MAST4: variants seen among roughly 807,000 people sequenced by gnomAD.
MAST4 encodes microtubule-associated serine/threonine-protein kinase 4.
A neutral mutation model predicts 162.7 loss-of-function variants in MAST4; 89 were observed. The observed-to-expected ratio is 0.55, with a 90% CI of 0.46 to 0.65. The LOEUF (loss-of-function observed/expected upper bound fraction) is 0.65, where lower values mean the gene tolerates loss of function less well. MAST4 is among the 30% of genes least tolerant of loss of function. The probability of loss-of-function intolerance (pLI) is 0.00; values close to 1 mark genes in which losing one functional copy is unlikely to be tolerated. For synonymous variants in MAST4, 1,479 were observed against 1,361.1 expected, an observed-to-expected ratio of 1.09 and a Z score of -1.91; for missense variants, 3,153 against 3,374.0, an observed-to-expected ratio of 0.93 and a Z score of 1.62.
intron 3 of MAST4, among the ~76,000 whole-genome samples, chr5:66,880,226 T>G (rs1320040976): frequency 6.6e-6 from 1 of 152,184 alleles, no homozygotes; most frequent in Non-Finnish European, 1.5e-5. Flanking sequence ...AATAAGAGTA[T>G]GTACTCATTG....
At chr5:66,970,943 C>A (rs1169176359) in intron 4 of MAST4, among the ~76,000 whole-genome samples, 1 of 152,176 alleles carries the variant, frequency 6.6e-6, no homozygotes, top group Non-Finnish European at 1.5e-5. Flanking sequence ...AAAAGCACTC[C>A]CCTTTCACTT....
At chr5:66,673,561 C>T (rs1430934467) in intron 1 of MAST4, among the ~76,000 whole-genome samples, 2 of 138,130 alleles carry the variant, frequency 1.4e-5, no homozygotes, top group African/African-American at 5.3e-5. Flanking sequence ...GAGTCTTGCT[C>T]TGTCACCCAG....
intron 1 of MAST4, among the ~76,000 whole-genome samples, chr5:66,732,165 A>G (rs115699576): frequency 0.012 from 1,870 of 152,064 alleles, 35 homozygotes; most frequent in African/African-American, 0.043. Flanking sequence ...TAGCTTTACA[A>G]TGTCCGGTTT....
At chr5:66,699,490 CTT>C (rs931656543) in intron 1 of MAST4, among the ~76,000 whole-genome samples, 17 of 152,140 alleles carry the variant, frequency 1.1e-4, no homozygotes, top group African/African-American at 4.1e-4. Flanking sequence ...CATTAATTCT[CTT>C]TGTCTCATGG....
chr5:66,674,812 T>G (rs1161295699), intron 1 of MAST4, among the ~76,000 whole-genome samples: 2 of 152,210 alleles, frequency 1.3e-5, no homozygotes, highest in Non-Finnish European at 2.9e-5. Context: ...AATAGATTCG[T>G]AGGCTGTTGT....
chr5:67,120,930 C>A, intron 13 of MAST4, 87 bp from the exon 14 acceptor site: 1 of 936,026 alleles, frequency 1.1e-6, no homozygotes, highest in Non-Finnish European at 1.7e-6. Flanking sequence ...TACATAACAG[C>A]ATGTCCTTCA....
intron 4 of MAST4, among the ~76,000 whole-genome samples, chr5:67,041,348 C>CT (rs1458681658): frequency 6.6e-6 from 1 of 152,202 alleles, no homozygotes; most frequent in African/African-American, 2.4e-5. Context: ...ATACTTCTTA[C>CT]TGGTACCTTC....
At chr5:67,032,854 C>T (rs1336857526) in intron 4 of MAST4, among the ~76,000 whole-genome samples, 1 of 151,994 alleles carries the variant, frequency 6.6e-6, no homozygotes, top group Non-Finnish European at 1.5e-5. Flanking sequence ...CTACAAATAA[C>T]ATCTAGTAGC....
chr5:67,106,523 T>C (rs1765612603), intron 10 of MAST4, among the ~76,000 whole-genome samples: 1 of 152,186 alleles, frequency 6.6e-6, no homozygotes, highest in South Asian at 2.1e-4. Context: ...CCTAAATATT[T>C]CTACAACCCT....
At chr5:66,915,439 G>T (rs563587069) in intron 4 of MAST4, among the ~76,000 whole-genome samples, 2 of 152,208 alleles carry the variant, frequency 1.3e-5, no homozygotes, top group Admixed American at 1.3e-4. Flanking sequence ...GTTTTCAGAA[G>T]ATTTCTAAAA....
chr5:66,963,798 TCCAGGGCCTGC>T (rs1284574109), intron 4 of MAST4: 2 of 779,766 alleles, frequency 2.6e-6, no homozygotes, highest in Non-Finnish European at 4.8e-6. Flanking sequence ...GTAAGCATGC[TCCAGGGCCTGC>T]CCAGGGCTGC....
At chr5:67,024,218 G>C (rs942384593) in intron 4 of MAST4, among the ~76,000 whole-genome samples, 1 of 151,250 alleles carries the variant, frequency 6.6e-6, no homozygotes, top group Non-Finnish European at 1.5e-5. Context: ...CATCCATGTT[G>C]TAGAATGTCT....
intron 4 of MAST4, among the ~76,000 whole-genome samples, chr5:67,007,964 C>A (rs1279324940): frequency 3.3e-5 from 5 of 152,200 alleles, no homozygotes; most frequent in Non-Finnish European, 7.3e-5. Flanking sequence ...CCTTGTGCTA[C>A]GTCCCAAGGA....
At chr5:66,846,571 T>C (rs1022902499) in intron 3 of MAST4, among the ~76,000 whole-genome samples, 6 of 152,076 alleles carry the variant, frequency 3.9e-5, no homozygotes, top group African/African-American at 1.2e-4. Flanking sequence ...CTGGAGAAAA[T>C]AGAGTTAATC....
At chr5:66,823,116 C>T (rs545991391) in intron 3 of MAST4, among the ~76,000 whole-genome samples, 1 of 152,288 alleles carries the variant, frequency 6.6e-6, no homozygotes, top group Non-Finnish European at 1.5e-5. Flanking sequence ...TCACTTGACA[C>T]TTCTCCTTCC....
chr5:66,869,831 G>A (rs185326850), intron 3 of MAST4, among the ~76,000 whole-genome samples: 1 of 152,186 alleles, frequency 6.6e-6, no homozygotes, highest in Non-Finnish European at 1.5e-5. Flanking sequence ...CTTGCATGGG[G>A]CCTTTAAAGC....
At chr5:66,993,650 A>G (rs76952869) in intron 4 of MAST4, among the ~76,000 whole-genome samples, 2,312 of 152,320 alleles carry the variant, frequency 0.015, 23 homozygotes, top group Non-Finnish European at 0.022. Flanking sequence ...CAGGATGTGC[A>G]AAGGCAGTGA....
In MAST4 at chr5:67,168,355, G is replaced by T. The variant is rs1418700377; in HGVS notation, c.*1304G>T. 6.6e-6 allele frequency: 1 copy of T among 152,134 alleles called. No homozygotes were observed. The highest frequency in any genetic ancestry group is 2.4e-5 in the African/African-American group (1 of 41,416). 9.4% of individuals were successfully genotyped at this position (152,134 alleles called of 1,614,324 possible). The stretch of plus-strand genomic sequence containing the variant: ...GCAAAAAATACTGTCTTAATACAGA[G>T]CAGCATTTTTGTAACAAAGAGACTC... On this transcript the variant is annotated 3_prime_UTR_variant, in exon 29 of 29. Coordinates refer to ENST00000403625, the MANE Select transcript of MAST4 (RefSeq NM_001164664.2).
intron 1 of MAST4, 133 bp from the exon 2 acceptor site, chr5:66,759,576 A>G: frequency 1.8e-6 from 2 of 1,134,240 alleles, no homozygotes; most frequent in Non-Finnish European, 2.4e-6. Context: ...CTAACGTAGC[A>G]AAATTGAACA....
Sources: gnomAD v4.1 joint callset for allele counts (sites outside exome capture counted in the v4.1 genomes callset) on GRCh38, gnomAD v4.1.1 for gene constraint, MANE v1.5 for transcripts, NCBI Gene and HGNC (gene_info 2026-07-23, HGNC 2026-07-21) for gene names.